PCDHGB4: variants seen among roughly 807,000 people sequenced by gnomAD.
The protein encoded by PCDHGB4 is protocadherin gamma subfamily B, 4.
A neutral mutation model predicts 60.5 loss-of-function variants in PCDHGB4; 38 were observed. That is an observed-to-expected ratio of 0.63 (90% CI 0.48 to 0.82). PCDHGB4 has a LOEUF of 0.82. Ranked by LOEUF, PCDHGB4 falls within the 40% of genes least tolerant of loss-of-function variation. The pLI is 0.00. For missense variants in PCDHGB4, 1,109 were observed against 1,209.6 expected, an observed-to-expected ratio of 0.92 and a Z score of 1.23; for synonymous variants, 456 against 509.7, an observed-to-expected ratio of 0.89 and a Z score of 1.42.
At chr5:141,495,896 CTCTG>C (rs1175207502) in intron 2 of PCDHGB4, among the ~76,000 whole-genome samples, 2 of 152,108 alleles carry the variant, frequency 1.3e-5, no homozygotes, top group Non-Finnish European at 2.9e-5. Flanking sequence ...CTCTCTTTGT[CTCTG>C]TCTCTGTATA....
intron 1 of PCDHGB4, chr5:141,413,279 TCTC>T (rs759727755): frequency 2.4e-5 from 39 of 1,613,826 alleles, no homozygotes; most frequent in Non-Finnish European, 3.1e-5. Flanking sequence ...GCCCGGCAGA[TCTC>T]CTACTCAATT....
At chr5:141,404,878 T>C (rs748965325) in intron 1 of PCDHGB4, 88 of 1,613,722 alleles carry the variant, frequency 5.5e-5, no homozygotes, top group Non-Finnish European at 7.3e-5. Context: ...AACAGAGCCT[T>C]GTGGTGGCTG....
chr5:141,481,868 C>A (rs983373194), intron 1 of PCDHGB4, among the ~76,000 whole-genome samples: 4 of 147,412 alleles, frequency 2.7e-5, no homozygotes, highest in African/African-American at 1.0e-4. Flanking sequence ...GAGCCGAGAT[C>A]GCGCCACTGC....
intron 1 of PCDHGB4, among the ~76,000 whole-genome samples, chr5:141,462,483 G>T (rs1402125086): frequency 2.0e-5 from 3 of 151,986 alleles, no homozygotes; most frequent in African/African-American, 7.3e-5. Context: ...TCTCGTGGTT[G>T]TTGTATCCTA....
At chr5:141,398,867 A>G (rs375842913) in intron 1 of PCDHGB4, 18 of 1,613,862 alleles carry the variant, frequency 1.1e-5, no homozygotes, top group Non-Finnish European at 1.4e-5. Context: ...CGAGACGTGT[A>G]CAGAGTCAGC....
intron 1 of PCDHGB4, among the ~76,000 whole-genome samples, chr5:141,438,340 G>A (rs1348587719): frequency 6.6e-6 from 1 of 151,522 alleles, no homozygotes; most frequent in Non-Finnish European, 1.5e-5. Flanking sequence ...TGTCATATAA[G>A]GATCTACTCT....
chr5:141,477,258 C>A lies in PCDHGB4; in HGVS notation c.2398-17549C>A. ...TTGCTCAGTGTGACTGACCTGGATG[C>A]TGGCGAGAACGGGCTGGTGACCTGC... On this transcript the variant is annotated intron_variant, in intron 1 of 3. Coordinates refer to ENST00000519479, the MANE Select transcript of PCDHGB4 (RefSeq NM_003736.4). The surrounding 1 kb of genome is among the most constrained non-coding windows in gnomAD (Gnocchi z 4.9). 6.2e-7 allele frequency: 1 copy of A among 1,614,208 alleles called. No homozygotes were observed. Among genetic ancestry groups the A allele is most frequent in the Non-Finnish European group, 8.5e-7 (1 of 1,180,042 alleles).
At chr5:141,457,412 C>A (rs2098919309) in intron 1 of PCDHGB4, among the ~76,000 whole-genome samples, 1 of 152,188 alleles carries the variant, frequency 6.6e-6, no homozygotes. Flanking sequence ...TCACATTACC[C>A]ATCCCTTTTT....
chr5:141,405,967 G>C (rs76683972), intron 1 of PCDHGB4, among the ~76,000 whole-genome samples: 1 of 151,968 alleles, frequency 6.6e-6, no homozygotes, highest in Non-Finnish European at 1.5e-5. Context: ...TGCTGTCAAC[G>C]TAAACCATAC....
Position 141,477,889 on chromosome 5 carries a change from A to T in PCDHGB4, c.2398-16918A>T. 1 of 1,614,152 alleles carries T rather than the reference A, an allele frequency of 6.2e-7. No homozygotes were observed. Among genetic ancestry groups the T allele is most frequent in the Admixed American group, 1.7e-5 (1 of 60,016 alleles). On this transcript the variant is annotated intron_variant, in intron 1 of 3. Coordinates refer to ENST00000519479, the MANE Select transcript of PCDHGB4 (RefSeq NM_003736.4). This position sits in a 1 kb window ranked among gnomAD's most constrained non-coding sequence, Gnocchi z 4.9. The stretch of plus-strand genomic sequence containing the variant: ...GTACCTCAGCTGGCCACCTAGTGTC[A>T]CGGGTGGTAGGCTGGGACGCGGATG...
chr5:141,461,258 A>G lies in PCDHGB4; in HGVS notation c.2398-33549A>G, dbSNP rs2099011921. Among the ~76,000 whole-genome samples, 4 of 152,104 alleles carry G rather than the reference A, an allele frequency of 2.6e-5. No individual in the cohort carries two copies. In the South Asian group the frequency reaches 8.3e-4, roughly 31 times the overall value. The stretch of plus-strand genomic sequence containing the variant: ...GTACTAATTTATATTCCCAGCAGCA[A>G]TGTGTAAGTGTTCTCTTTTCCCCAC... On this transcript the variant is annotated intron_variant, in intron 1 of 3. Transcript: ENST00000519479.
chr5:141,447,298 C>T lies in PCDHGB4; in HGVS notation c.2398-47509C>T, dbSNP rs187482431. 1.7e-3 allele frequency among the ~76,000 whole-genome samples: 260 copies of T among 152,214 alleles called. 2 individuals carry two copies. Among genetic ancestry groups the T allele is most frequent in the African/African-American group, 5.8e-3 (239 of 41,534 alleles). ...GGGACTACAGGCACATGCCACCACA[C>T]CCGGCTAATTTTTGTATTTTTAGTA... On this transcript the variant is annotated intron_variant, in intron 1 of 3. Coordinates refer to ENST00000519479, the MANE Select transcript of PCDHGB4 (RefSeq NM_003736.4).
chr5:141,432,652 C>T lies in PCDHGB4; in HGVS notation c.2397+42371C>T, dbSNP rs1004936183. On this transcript the variant is annotated intron_variant, in intron 1 of 3. Transcript: ENST00000519479. This position sits in a 1 kb window ranked among gnomAD's most constrained non-coding sequence, Gnocchi z 6.0. ...CGGGCGAGGTGCGCACGGCGCGAGC[C>T]CTGCTGGACAGAGACGCGCTCAAGC... The T allele has an allele frequency of 6.2e-7, 1 of 1,613,836 alleles. No individual in the cohort carries two copies. Among genetic ancestry groups the T allele is most frequent in the East Asian group, 2.2e-5 (1 of 44,860 alleles).
chr5:141,455,314 T>G (rs565911988), intron 1 of PCDHGB4, among the ~76,000 whole-genome samples: 15 of 152,208 alleles, frequency 9.9e-5, no homozygotes, highest in African/African-American at 3.4e-4. Flanking sequence ...ATTAGCAATT[T>G]TGTGTGTGTG....
At chr5:141,391,312 T>C (rs2092346265) in intron 1 of PCDHGB4, 1 of 151,466 alleles carries the variant, frequency 6.6e-6, no homozygotes, top group African/African-American at 2.4e-5. Flanking sequence ...GATTCTTTTT[T>C]TTTTCTTTTT....
rs2099748179 is a variant in PCDHGB4 at position 141,493,421 on chromosome 5, T to G, written c.2398-1386T>G. Among the ~76,000 whole-genome samples the G allele has an allele frequency of 6.6e-6, 1 of 152,182 alleles. No individual in the cohort carries two copies. Among genetic ancestry groups the G allele is most frequent in the South Asian group, 2.1e-4 (1 of 4,830 alleles). On this transcript the variant is annotated intron_variant, in intron 1 of 3. Coordinates refer to ENST00000519479, the MANE Select transcript of PCDHGB4 (RefSeq NM_003736.4). The surrounding 1 kb of genome is among the most constrained non-coding windows in gnomAD (Gnocchi z 4.3). Reference sequence around the variant, plus strand: ...GGAGTTGCCTCTGCTGGGATTTTGCTTCTGCTGGGATGGGGCAAGGGTGGG... The same window carrying G: ...GGAGTTGCCTCTGCTGGGATTTTGCGTCTGCTGGGATGGGGCAAGGGTGGG...
At chr5:141,454,331 T>G (rs1244660733) in intron 1 of PCDHGB4, among the ~76,000 whole-genome samples, 1 of 152,180 alleles carries the variant, frequency 6.6e-6, no homozygotes, top group Non-Finnish European at 1.5e-5. Context: ...CAAGAATAAA[T>G]AAAATGTTGG....
Position 141,388,959 on chromosome 5 carries a change from G to C in PCDHGB4, c.1075G>C (p.Glu359Gln). The C allele has an allele frequency of 6.2e-7, 1 of 1,613,996 alleles. No homozygotes were observed. The highest frequency in any genetic ancestry group is 8.5e-7 in the Non-Finnish European group (1 of 1,179,894). The change falls in exon 1 of 4, where the codon GAG (glutamate) becomes CAG (glutamine). Residue 359 changes from glutamate to glutamine, a missense_variant. Physicochemically the swap from Glu to Gln is conservative, Grantham distance 29. Coordinates refer to ENST00000519479, the MANE Select transcript of PCDHGB4 (RefSeq NM_003736.4). ...SLPNLIMEDA[E>Q]LGTHIALLKV... ...ACCCAACCTAATTATGGAGGACGCC[G>C]AGCTGGGAACACATATTGCTTTGCT...
At chr5:141,467,767 C>T (rs72790060) in intron 1 of PCDHGB4, among the ~76,000 whole-genome samples, 25,555 of 151,632 alleles carry the variant, frequency 0.17, 2,195 homozygotes, top group South Asian at 0.22. Context: ...GCTCAAGTGC[C>T]CGCACCTCAG....
Sources: allele counts gnomAD v4.1 joint callset (sites outside exome capture counted in the v4.1 genomes callset), GRCh38; gene constraint gnomAD v4.1.1; non-coding constraint Gnocchi (gnomAD v3.1); transcripts MANE v1.5; gene names NCBI Gene and HGNC (gene_info 2026-07-23, HGNC 2026-07-21).